Variants in NRG1 observed in about 807,000 individuals in gnomAD.
NRG1 encodes the protein neuregulin 1.
Under a neutral mutation model 63.8 loss-of-function variants are expected in NRG1, and 18 were observed. That is an observed-to-expected ratio of 0.28 (90% CI 0.19 to 0.42). The LOEUF is 0.42. Ranked by LOEUF, NRG1 falls within the 10% of genes least tolerant of loss-of-function variation. NRG1 has a pLI of 1.00. For missense variants in NRG1, 762 were observed against 814.7 expected (o/e 0.94, Z 0.79); for synonymous variants, 302 against 301.3 (o/e 1.00, Z -0.02).
At chr8:31,724,608 CA>C (rs1334741157) in intron 1 of NRG1, among the ~76,000 whole-genome samples, 1 of 141,574 alleles carries the variant, frequency 7.1e-6, no homozygotes, top group Non-Finnish European at 1.6e-5. Flanking sequence ...AGGATGCCAA[CA>C]TTTTTTTTTA....
intron 3 of NRG1, among the ~76,000 whole-genome samples, chr8:32,612,055 A>G (rs1846458671): frequency 6.6e-6 from 1 of 152,236 alleles, no homozygotes; most frequent in East Asian, 1.9e-4. Context: ...CCTGTTCAGC[A>G]TAAGTTGCTC....
upstream of NRG1, among the ~76,000 whole-genome samples, chr8:32,547,374 C>G (rs1257980672): frequency 6.6e-6 from 1 of 152,170 alleles, no homozygotes; most frequent in African/African-American, 2.4e-5. Flanking sequence ...TGTCTTTATT[C>G]TACCCCTCCC....
intron 5 of NRG1, among the ~76,000 whole-genome samples, chr8:32,717,168 C>T (rs748680195): frequency 6.6e-6 from 1 of 152,100 alleles, no homozygotes; most frequent in East Asian, 1.9e-4. Flanking sequence ...TTTCTCTGAA[C>T]TAAAATGTAC....
At chr8:32,663,433 A>G (rs1210001960) in intron 5 of NRG1, among the ~76,000 whole-genome samples, 2 of 152,162 alleles carry the variant, frequency 1.3e-5, no homozygotes, top group African/African-American at 4.8e-5. Flanking sequence ...TTCACATAGC[A>G]CCATGTATAC....
intron 1 of NRG1, among the ~76,000 whole-genome samples, chr8:31,829,217 T>C (rs1824871621): frequency 1.3e-5 from 2 of 152,232 alleles, no homozygotes; most frequent in African/African-American, 4.8e-5. Context: ...GCTTCTTTCA[T>C]GTAGATGTTT....
chr8:32,728,150 G>C (rs1221824184), intron 6 of NRG1, 72 bp downstream of exon 6: 3 of 1,577,684 alleles, frequency 1.9e-6, no homozygotes, highest in Non-Finnish European at 2.6e-6. Context: ...GTCTCATGAT[G>C]TATTGTTGCT....
At position 32,277,515 on chromosome 8, in the gene NRG1, A is replaced by G. The variant is rs116203102; in HGVS notation, c.38-318313A>G. Among the ~76,000 whole-genome samples, 790 of 152,320 alleles carry G rather than the reference A, an allele frequency of 5.2e-3. 10 individuals are homozygous for G. Among genetic ancestry groups the G allele is most frequent in the African/African-American group, 0.018 (752 of 41,576 alleles). On this transcript the variant is annotated intron_variant, in intron 1 of 10. Transcript: ENST00000519301. ...CCTAGCTAAGTTTTTTACCTAAACA[A>G]TCATTATATATGTTTCAAAATATTT...
At chr8:31,685,225 G>A (rs1808764889) in intron 1 of NRG1, among the ~76,000 whole-genome samples, 1 of 152,022 alleles carries the variant, frequency 6.6e-6, no homozygotes, top group Admixed American at 6.6e-5. Context: ...AATGGACATG[G>A]GGATAATTCA....
At chr8:31,696,430 A>G (rs955679773) in intron 1 of NRG1, among the ~76,000 whole-genome samples, 3 of 152,218 alleles carry the variant, frequency 2.0e-5, no homozygotes, top group African/African-American at 7.2e-5. Flanking sequence ...TGTACTAGAA[A>G]GAAGATCCTG....
chr8:31,863,694 A>T (rs1210779325), intron 1 of NRG1, among the ~76,000 whole-genome samples: 2 of 152,232 alleles, frequency 1.3e-5, no homozygotes, highest in Non-Finnish European at 2.9e-5. Flanking sequence ...CCGTTCTCAG[A>T]AAGTCCTGCC....
intron 1 of NRG1, among the ~76,000 whole-genome samples, chr8:31,676,353 A>G (rs1807698165): frequency 6.6e-6 from 1 of 152,132 alleles, no homozygotes; most frequent in Non-Finnish European, 1.5e-5. Context: ...GCTTGACCCC[A>G]ATTTATGGAT....
chr8:32,356,474 A>ACCCCCCCCCCCCCCC (rs11426642), intron 1 of NRG1, among the ~76,000 whole-genome samples: 2 of 69,322 alleles, frequency 2.9e-5, no homozygotes, highest in African/African-American at 1.2e-4. Context: ...CCTTGTTGGG[A>ACCCCCCCCCCCCCCC]CCCCCCCCCC....
chr8:32,235,033 C>A (rs1847388792), intron 1 of NRG1, among the ~76,000 whole-genome samples: 1 of 151,878 alleles, frequency 6.6e-6, no homozygotes, highest in African/African-American at 2.4e-5. Context: ...TAGCACAGCA[C>A]CCTGTCAGAG....
chr8:32,385,196 T>C (rs1053555277), intron 1 of NRG1, among the ~76,000 whole-genome samples: 5 of 152,144 alleles, frequency 3.3e-5, no homozygotes, highest in Admixed American at 6.5e-5. Flanking sequence ...ATTTTTTTTT[T>C]TCTCTATTTT....
At chr8:32,234,221 C>T (rs16879018) in intron 1 of NRG1, among the ~76,000 whole-genome samples, 2,882 of 152,196 alleles carry the variant, frequency 0.019, 79 homozygotes, top group African/African-American at 0.065. Flanking sequence ...TACATTTACA[C>T]TCTAATCACA....
At chr8:31,990,645 A>G (rs1483808482) in intron 1 of NRG1, among the ~76,000 whole-genome samples, 1 of 152,140 alleles carries the variant, frequency 6.6e-6, no homozygotes, top group Non-Finnish European at 1.5e-5. Flanking sequence ...GTATCTTCCA[A>G]AAAGTACATT....
At chr8:32,585,602 T>C (rs940769451) in intron 1 of NRG1, among the ~76,000 whole-genome samples, 1 of 152,250 alleles carries the variant, frequency 6.6e-6, no homozygotes, top group African/African-American at 2.4e-5. Flanking sequence ...GATACAGCAC[T>C]GTTCACCCTT....
At chr8:32,428,705 G>A (rs12216733) in intron 1 of NRG1, among the ~76,000 whole-genome samples, 1 of 152,176 alleles carries the variant, frequency 6.6e-6, no homozygotes, top group African/African-American at 2.4e-5. Flanking sequence ...GCTTATGACA[G>A]CACTCTGATA....
intron 1 of NRG1, among the ~76,000 whole-genome samples, chr8:32,281,829 T>C (rs988976767): frequency 1.4e-4 from 22 of 152,012 alleles, no homozygotes; most frequent in Non-Finnish European, 3.1e-4. Flanking sequence ...TTTTAAAAAA[T>C]ATTTCAGATG....
Sources: gnomAD v4.1 joint callset for allele counts (sites outside exome capture counted in the v4.1 genomes callset) on GRCh38, gnomAD v4.1.1 for gene constraint, MANE v1.5 for transcripts, NCBI Gene and HGNC (gene_info 2026-07-23, HGNC 2026-07-21) for gene names.